Variants in VOPP1 observed in about 807,000 individuals in gnomAD.
The protein encoded by VOPP1 is WW domain binding protein VOPP1.
A neutral mutation model predicts 23.5 loss-of-function variants in VOPP1; 8 were observed. That is an observed-to-expected ratio of 0.34 (90% confidence interval 0.20 to 0.61). The LOEUF (loss-of-function observed/expected upper bound fraction) is 0.61. Ranked by LOEUF, VOPP1 falls within the 20% of genes least tolerant of loss-of-function variation. The probability of loss-of-function intolerance (pLI) is 0.78; values close to 1 mark genes in which losing one functional copy is unlikely to be tolerated. For synonymous variants in VOPP1, 83 were observed against 97.3 expected (o/e 0.85, Z 0.86); for missense variants, 174 against 238.1 (o/e 0.73, Z 1.77).
Position 55,552,678 on chromosome 7 carries a change from G to C in VOPP1, c.54+19593C>G, listed in dbSNP as rs570679628. ...CATATGACACCGCCTTCCAACAATG[G>C]GGGGCACTCAGGTCCTGGAGCCCCA... is the stretch of plus-strand genomic sequence containing the variant. On this transcript the variant is annotated intron_variant, in intron 1 of 4. Coordinates refer to ENST00000285279, the MANE Select transcript of VOPP1 (RefSeq NM_030796.5). 31 of 1,535,926 alleles carry C rather than the reference G, an allele frequency of 2.0e-5. No individual in the cohort carries two copies. In the East Asian group the frequency reaches 4.4e-4, roughly 22 times the overall value.
intron 4 of VOPP1, among the ~76,000 whole-genome samples, chr7:55,487,016 T>C (rs1265115910): frequency 2.0e-5 from 3 of 152,196 alleles, no homozygotes; most frequent in South Asian, 2.1e-4. Flanking sequence ...CCCATCACCA[T>C]CCCCGCACGT....
chr7:55,477,436 C>T (rs565883662), intron 4 of VOPP1, among the ~76,000 whole-genome samples: 1 of 152,324 alleles, frequency 6.6e-6, no homozygotes, highest in Non-Finnish European at 1.5e-5. Flanking sequence ...CTGAGACACA[C>T]CTGTTTCTGA....
At chr7:55,457,121 TATCA>T (rs1791386364) in intron 4 of VOPP1, among the ~76,000 whole-genome samples, 2 of 152,134 alleles carry the variant, frequency 1.3e-5, no homozygotes, top group African/African-American at 2.4e-5. Context: ...CTCTGGTAAT[TATCA>T]ATCTTCCTTC....
chr7:55,569,434 G>A (rs1798276210), intron 1 of VOPP1, among the ~76,000 whole-genome samples: 1 of 152,210 alleles, frequency 6.6e-6, no homozygotes, highest in Non-Finnish European at 1.5e-5. Context: ...CCCTCGCGAT[G>A]TAGAGCATGC....
intron 1 of VOPP1, among the ~76,000 whole-genome samples, chr7:55,562,270 C>T (rs903186355): frequency 6.6e-6 from 1 of 152,162 alleles, no homozygotes; most frequent in Non-Finnish European, 1.5e-5. Context: ...GAGACACAGG[C>T]CCTGGTCCGG....
Position 55,527,395 on chromosome 7 carries a change from CCT to C in VOPP1, c.55-6267_55-6266del, listed in dbSNP as rs374570727. Reference sequence around the variant, plus strand: ...GAAAATAACAGAAATAAAAGATACCCCTGTCTTATAGAAGAAACCACACCTGA... The same window carrying C: ...GAAAATAACAGAAATAAAAGATACCCGTCTTATAGAAGAAACCACACCTGA... On this transcript the variant is annotated intron_variant, in intron 1 of 4. Coordinates refer to ENST00000285279, the MANE Select transcript of VOPP1 (RefSeq NM_030796.5). 3.1e-3 allele frequency among the ~76,000 whole-genome samples: 465 copies of C among 152,184 alleles called. 1 individual carries two copies. Among genetic ancestry groups the C allele is most frequent in the African/African-American group, 9.6e-3 (397 of 41,510 alleles).
chr7:55,571,428 A>T (rs1258834673), intron 1 of VOPP1, among the ~76,000 whole-genome samples: 1 of 152,254 alleles, frequency 6.6e-6, no homozygotes, highest in Non-Finnish European at 1.5e-5. Flanking sequence ...AATTTAACGC[A>T]AATTTCCTTC....
chr7:55,506,385 G>C (rs374986358), intron 2 of VOPP1, among the ~76,000 whole-genome samples: 12 of 152,192 alleles, frequency 7.9e-5, no homozygotes, highest in African/African-American at 2.4e-4. Context: ...GCCCAGGCTG[G>C]AGTGCAGTGG....
At chr7:55,516,559 G>A (rs1318127331) in intron 2 of VOPP1, among the ~76,000 whole-genome samples, 1 of 152,186 alleles carries the variant, frequency 6.6e-6, no homozygotes, top group Non-Finnish European at 1.5e-5. Context: ...ATGAAATGCA[G>A]GGACAGGCAG....
chr7:55,467,766 G>A (rs1791669128), downstream of VOPP1, among the ~76,000 whole-genome samples: 1 of 152,224 alleles, frequency 6.6e-6, no homozygotes, highest in South Asian at 2.1e-4. Context: ...GTGATGTCAG[G>A]TGAGCTGCTC....
At chr7:55,476,441 C>A (rs10227159) in intron 4 of VOPP1, among the ~76,000 whole-genome samples, 31 of 83,210 alleles carry the variant, frequency 3.7e-4, no homozygotes, top group Non-Finnish European at 6.0e-4. Context: ...GGGGGGTGGG[C>A]GGGGGGGCTG....
chr7:55,530,066 A>G (rs1462448191), intron 1 of VOPP1, among the ~76,000 whole-genome samples: 1 of 152,158 alleles, frequency 6.6e-6, no homozygotes, highest in East Asian at 1.9e-4. Flanking sequence ...TCTTGGGTAC[A>G]TACTAAGAAA....
intron 4 of VOPP1, 46 bp from the exon 5 acceptor site, chr7:55,473,091 T>TC: frequency 6.4e-7 from 1 of 1,569,204 alleles, no homozygotes; most frequent in South Asian, 1.2e-5. Context: ...GAAAGCCCCA[T>TC]CACACCGCAA....
intron 1 of VOPP1, among the ~76,000 whole-genome samples, chr7:55,563,184 C>T (rs574637238): frequency 4.5e-4 from 69 of 151,998 alleles, no homozygotes; most frequent in Middle Eastern, 3.4e-3. Context: ...AAATTAATTT[C>T]GATACAGATT....
chr7:55,463,649 G>C (rs1791562606), intron 4 of VOPP1, among the ~76,000 whole-genome samples: 1 of 152,172 alleles, frequency 6.6e-6, no homozygotes, highest in Non-Finnish European at 1.5e-5. Flanking sequence ...CAGTCTTTGG[G>C]CCCCAGTGGT....
At chr7:55,495,094 A>C in intron 3 of VOPP1, among the ~76,000 whole-genome samples, 1 of 151,144 alleles carries the variant, frequency 6.6e-6, no homozygotes, top group African/African-American at 2.4e-5. Context: ...CTGCAGTCCC[A>C]AGGACTGGTG....
At chr7:55,462,902 C>T (rs1093249) in intron 4 of VOPP1, among the ~76,000 whole-genome samples, 46,871 of 149,108 alleles carry the variant, frequency 0.31, 8,366 homozygotes, top group East Asian at 0.52. Flanking sequence ...GTGATCCGCC[C>T]GCCTCGGCCT....
intron 1 of VOPP1, among the ~76,000 whole-genome samples, chr7:55,533,568 G>A (rs1796612346): frequency 6.6e-6 from 1 of 152,180 alleles, no homozygotes; most frequent in Non-Finnish European, 1.5e-5. Context: ...CACCACATCA[G>A]GGAACCTTCC....
At chr7:55,497,254 C>A (rs927049249) in intron 3 of VOPP1, among the ~76,000 whole-genome samples, 1 of 152,232 alleles carries the variant, frequency 6.6e-6, no homozygotes, top group African/African-American at 2.4e-5. Context: ...AAAACTCGAT[C>A]GCCTGCCAGT....
Sources: allele counts gnomAD v4.1 joint callset (sites outside exome capture counted in the v4.1 genomes callset), GRCh38; gene constraint gnomAD v4.1.1; transcripts MANE v1.5; gene names NCBI Gene and HGNC (gene_info 2026-07-23, HGNC 2026-07-21).